Variants in ZGPAT observed in about 807,000 individuals in gnomAD.
ZGPAT encodes zinc finger CCCH-type and G-patch domain containing.
A neutral mutation model predicts 47.9 loss-of-function variants in ZGPAT; 39 were observed. That is an observed-to-expected ratio of 0.81 (90% CI 0.63 to 1.06). The LOEUF is 1.06. ZGPAT is among the 50% of genes least tolerant of loss of function. The pLI is 0.00. For synonymous variants in ZGPAT, 348 were observed against 292.9 expected (o/e 1.19, Z -1.92); for missense variants, 717 against 681.4 (o/e 1.05, Z -0.58).
Position 63,735,179 on chromosome 20 carries a change from G to A in ZGPAT, c.1012G>A (p.Gly338Ser), listed in dbSNP as rs1321107113. Residue 338 changes from glycine to serine, a missense_variant, in exon 6 of 7, where the codon GGC becomes AGC. Physicochemically the swap from Gly to Ser is moderately conservative, Grantham distance 56. Coordinates refer to ENST00000355969, the MANE Select transcript of ZGPAT (RefSeq NM_181485.3). The stretch of plus-strand genomic sequence containing the variant: ...CGCAGGTTTGGGCCGACACGCGGAA[G>A]GCCGGGTGGAGCCCATCCATGCTGT... ...FGKGLGRHAE[G>S]RVEPIHAVVL... 1.3e-6 allele frequency: 2 copies of A among 1,521,912 alleles called. No homozygotes were observed. The highest frequency in any genetic ancestry group is 1.8e-6 in the Non-Finnish European group (2 of 1,134,922). The allele number at this position is 1,521,912 out of a possible 1,614,324, so 94.3% of individuals were successfully genotyped here. A position where few individuals can be genotyped will look rare whatever the true frequency, so the allele number is the denominator to read the frequency against.
Position 63,727,235 on chromosome 20 carries a change from TTTTTC to T in ZGPAT, c.585-5979_585-5975del, listed in dbSNP as rs201540069. 9.9e-3 allele frequency among the ~76,000 whole-genome samples: 1,398 copies of T among 141,884 alleles called. 13 individuals are homozygous for T. Among genetic ancestry groups the T allele is most frequent in the East Asian group, 0.022 (70 of 3,222 alleles). The allele number at this position is 141,884 out of a possible 152,430, so 93.1% of individuals were successfully genotyped here. A position where few individuals can be genotyped will look rare whatever the true frequency, so the allele number is the denominator to read the frequency against. On this transcript the variant is annotated intron_variant, in intron 2 of 6. Transcript: ENST00000355969. ...CTCTGGAATTTCCATTTGATTTTTT[TTTTTC>T]TTTTTTTCTTTTTTTTTTTAGACAG...
At chr20:63,712,915 AG>A (rs2091685158) in intron 2 of ZGPAT, among the ~76,000 whole-genome samples, 1 of 152,024 alleles carries the variant, frequency 6.6e-6, no homozygotes, top group African/African-American at 2.4e-5. Flanking sequence ...CAATAACAGA[AG>A]AAAAAAACAG....
intron 2 of ZGPAT, among the ~76,000 whole-genome samples, chr20:63,723,166 GAC>G (rs2091806582): frequency 7.2e-6 from 1 of 139,670 alleles, no homozygotes; most frequent in Non-Finnish European, 1.5e-5. Context: ...CTTCTCCTAT[GAC>G]ACAGCTCCAT....
intron 2 of ZGPAT, among the ~76,000 whole-genome samples, chr20:63,725,931 GTTCAAGCAA>G (rs2091841501): frequency 6.6e-6 from 1 of 150,452 alleles, no homozygotes; most frequent in African/African-American, 2.4e-5. Flanking sequence ...CACCTTCGAG[GTTCAAGCAA>G]TTCTCCTGCC....
Position 63,725,982 on chromosome 20 carries a change from T to C in ZGPAT, c.585-7237T>C, listed in dbSNP as rs73622882. Among the ~76,000 whole-genome samples the C allele has an allele frequency of 1.3e-4, 20 of 150,694 alleles. No homozygotes were observed. In the East Asian group the frequency reaches 3.7e-3, roughly 28 times the overall value. On this transcript the variant is annotated intron_variant, in intron 2 of 6. Transcript: ENST00000355969. Reference sequence around the variant, plus strand: ...TCCTGAGTAGTTGGGACTACCGGAGTGTGCCACCACCATGCCCAGCTAATT... The same window carrying C: ...TCCTGAGTAGTTGGGACTACCGGAGCGTGCCACCACCATGCCCAGCTAATT...
At chr20:63,715,428 A>G (rs1315379002) in intron 2 of ZGPAT, among the ~76,000 whole-genome samples, 1 of 151,534 alleles carries the variant, frequency 6.6e-6, no homozygotes, top group Non-Finnish European at 1.5e-5. Context: ...TTTAGTTGAG[A>G]CGGTGTTTTG....
intron 2 of ZGPAT, among the ~76,000 whole-genome samples, chr20:63,724,923 T>C (rs528238896): frequency 2.0e-5 from 3 of 151,712 alleles, no homozygotes; most frequent in Non-Finnish European, 2.9e-5. Context: ...GATCTGCCTG[T>C]CCTGGCCTCC....
rs771349666 is a variant in ZGPAT, at chr20:63,708,534, C to T, written c.-28-19C>T. The T allele has an allele frequency of 6.6e-7, 1 of 1,522,020 alleles. No individual in the cohort carries two copies. Among genetic ancestry groups the T allele is most frequent in the South Asian group, 1.3e-5 (1 of 78,632 alleles). 94.3% of individuals were successfully genotyped at this position (1,522,020 alleles called of 1,614,324 possible). A position where few individuals can be genotyped will look rare whatever the true frequency, so the allele number is the denominator to read the frequency against. ...GTCGGTCCCGAGACGCGGGGCTCAG[C>T]TGGCTTCTCTTCTTGCAGCCCTGGT... is the stretch of plus-strand genomic sequence containing the variant. On this transcript the variant is annotated intron_variant, in intron 1 of 6. Transcript: ENST00000355969.
intron 2 of ZGPAT, among the ~76,000 whole-genome samples, chr20:63,722,760 G>A (rs2091801332): frequency 1.3e-5 from 2 of 151,934 alleles, no homozygotes; most frequent in Admixed American, 6.6e-5. Flanking sequence ...AGCCTCCTGA[G>A]TAGCTGGGAC....
intron 2 of ZGPAT, among the ~76,000 whole-genome samples, chr20:63,727,398 C>A (rs909482799): frequency 1.3e-5 from 2 of 151,988 alleles, no homozygotes; most frequent in African/African-American, 4.8e-5. Context: ...CATGACACCA[C>A]GCCTGGCTAA....
intron 2 of ZGPAT, among the ~76,000 whole-genome samples, chr20:63,722,658 A>C (rs1417668382): frequency 6.6e-6 from 1 of 151,116 alleles, no homozygotes; most frequent in African/African-American, 2.4e-5. Context: ...TTTTTTATGG[A>C]GTTTCACTCT....
chr20:63,734,659 G>T, intron 4 of ZGPAT, 46 bp from the exon 5 acceptor site: 1 of 1,605,090 alleles, frequency 6.2e-7, no homozygotes, highest in Non-Finnish European at 8.5e-7. Flanking sequence ...GGGGTCGGAC[G>T]CCGTGGACTC....
chr20:63,733,141 G>C, intron 2 of ZGPAT, 78 bp from the exon 3 acceptor site: 1 of 1,563,174 alleles, frequency 6.4e-7, no homozygotes, highest in Non-Finnish European at 8.7e-7. Flanking sequence ...GTGCCCAGGC[G>C]GATGGGTCAG....
intron 2 of ZGPAT, among the ~76,000 whole-genome samples, chr20:63,709,562 A>G (rs2091633820): frequency 6.6e-6 from 1 of 152,086 alleles, no homozygotes; most frequent in Non-Finnish European, 1.5e-5. Context: ...GGTTGAACCC[A>G]GGAGGCCGAG....
In ZGPAT at chr20:63,734,712, G is replaced by A. The variant is rs1385430627; in HGVS notation, c.879G>A (p.Gly293=). 1 of 1,614,010 alleles carries A rather than the reference G, an allele frequency of 6.2e-7. No individual in the cohort carries two copies. The highest frequency in any genetic ancestry group is 8.5e-7 in the Non-Finnish European group (1 of 1,179,930). ...TGDSSYARVV[G]SDAVDSGTCS... is the part of the protein sequence containing the mutation. ...TCTGTCCGTCTCTTGCAGTGGTGGG[G>A]TCAGATGCTGTGGACTCTGGGACCT... is the stretch of plus-strand genomic sequence containing the variant. Residue 293 remains glycine (G), a synonymous_variant, in exon 5 of 7, where the codon GGG becomes GGA. Transcript: ENST00000355969.
intron 2 of ZGPAT, among the ~76,000 whole-genome samples, chr20:63,723,660 C>A (rs1346114668): frequency 6.6e-6 from 1 of 152,212 alleles, no homozygotes; most frequent in Non-Finnish European, 1.5e-5. Flanking sequence ...TCCATCCTCC[C>A]TTCTCCTCTG....
At chr20:63,725,535 CTCTTTG>C (rs968666000) in intron 2 of ZGPAT, among the ~76,000 whole-genome samples, 1 of 152,048 alleles carries the variant, frequency 6.6e-6, no homozygotes, top group Non-Finnish European at 1.5e-5. Context: ...TCAAGATTTT[CTCTTTG>C]TCTTTGGCCT....
Position 63,708,694 on chromosome 20 carries a change from G to A in ZGPAT, c.114G>A (p.Gln38=). The A allele has an allele frequency of 1.2e-6, 2 of 1,612,812 alleles. No homozygotes were observed. Among genetic ancestry groups the A allele is most frequent in the Non-Finnish European group, 1.7e-6 (2 of 1,179,942 alleles). Residue 38 remains glutamine, a synonymous_variant, in exon 2 of 7, where the codon CAG becomes CAA. Coordinates refer to ENST00000355969, the MANE Select transcript of ZGPAT (RefSeq NM_181485.3). ...CGTCTGAGCAGGCTGACCTGCGCCA[G>A]CTGCAGGGGGACCTGAAGGAGCTCA... ...LDSSEQADLR[Q]LQGDLKELIE... is the part of the protein sequence containing the mutation.
intron 2 of ZGPAT, among the ~76,000 whole-genome samples, chr20:63,731,266 C>T (rs145758818): frequency 1.3e-5 from 2 of 151,172 alleles, no homozygotes; most frequent in African/African-American, 2.4e-5. Flanking sequence ...AGAGAGAATG[C>T]GGGTGTCTGT....
Sources: allele counts gnomAD v4.1 joint callset (sites outside exome capture counted in the v4.1 genomes callset), GRCh38; gene constraint gnomAD v4.1.1; transcripts MANE v1.5; gene names NCBI Gene and HGNC (gene_info 2026-07-23, HGNC 2026-07-21).